VWA8: variants seen among roughly 807,000 people sequenced by gnomAD.
VWA8 encodes von Willebrand factor A domain-containing protein 8.
Under a neutral mutation model 241.5 loss-of-function variants are expected in VWA8, and 221 were observed. The observed-to-expected ratio is 0.91, with a 90% CI of 0.82 to 1.02. The LOEUF is 1.02. Among genes scored for constraint, VWA8 ranks in the 50% least tolerant of loss-of-function variants. The pLI, the probability that VWA8 is intolerant of heterozygous loss-of-function variation, is 0.00. For missense variants in VWA8, 2,322 were observed against 2,328.7 expected (o/e 1.00, Z 0.06); for synonymous variants, 852 against 827.1 (o/e 1.03, Z -0.52).
chr13:41,568,143 T>G lies in VWA8; in HGVS notation c.*54A>C. 14 of 1,458,848 alleles carry G rather than the reference T, an allele frequency of 9.6e-6. No individual in the cohort carries two copies. The highest frequency in any genetic ancestry group is 1.3e-5 in the Non-Finnish European group (14 of 1,041,986). The allele number at this position is 1,458,848 out of a possible 1,614,324, so 90.4% of individuals were successfully genotyped here. ...TATCTTCTTTTTTTCAGAATACTCTTTATTCCTGTCTTATTTCAAATCCTG... is the reference window on the plus strand; with the variant it reads ...TATCTTCTTTTTTTCAGAATACTCTGTATTCCTGTCTTATTTCAAATCCTG... On this transcript the variant is annotated 3_prime_UTR_variant, in exon 45 of 45. Transcript: ENST00000379310.
chr13:41,675,407 C>A, intron 35 of VWA8, 111 bp from the exon 36 acceptor site: 1 of 698,888 alleles, frequency 1.4e-6, no homozygotes, highest in East Asian at 2.8e-5. Context: ...CTGGGATCTA[C>A]TTGACAAGGT....
At chr13:41,787,763 A>G (rs1869272680) in intron 17 of VWA8, among the ~76,000 whole-genome samples, 1 of 152,168 alleles carries the variant, frequency 6.6e-6, no homozygotes, top group Admixed American at 6.6e-5. Context: ...ATCTCCTTTA[A>G]TAAGTAAAAC....
chr13:41,757,801 T>C (rs1439005394), intron 21 of VWA8, among the ~76,000 whole-genome samples: 1 of 151,514 alleles, frequency 6.6e-6, no homozygotes, highest in Non-Finnish European at 1.5e-5. Context: ...GAAAGAAACA[T>C]GGAAAGTTGG....
At chr13:41,680,216 T>C (rs1348007058) in intron 35 of VWA8, among the ~76,000 whole-genome samples, 1 of 152,180 alleles carries the variant, frequency 6.6e-6, no homozygotes, top group Non-Finnish European at 1.5e-5. Flanking sequence ...GTTTGTTTAG[T>C]TTTATTTAGT....
At chr13:41,737,002 C>G (rs1012184272) in intron 21 of VWA8, among the ~76,000 whole-genome samples, 4 of 152,016 alleles carry the variant, frequency 2.6e-5, no homozygotes, top group Non-Finnish European at 5.9e-5. Context: ...CACCACCACA[C>G]TTGGCTGATT....
chr13:41,745,276 C>T (rs1342697590), intron 21 of VWA8, among the ~76,000 whole-genome samples: 1 of 152,050 alleles, frequency 6.6e-6, no homozygotes, highest in Non-Finnish European at 1.5e-5. Flanking sequence ...TCTCCTAATG[C>T]TATCCCTCCC....
intron 2 of VWA8, among the ~76,000 whole-genome samples, chr13:41,949,497 A>G (rs112226162): frequency 1.4e-4 from 21 of 152,222 alleles, no homozygotes; most frequent in African/African-American, 4.8e-4. Context: ...CTAGGGGAGG[A>G]ATAGCATTAG....
chr13:41,877,062 T>C (rs746543576), intron 9 of VWA8, among the ~76,000 whole-genome samples: 40 of 152,060 alleles, frequency 2.6e-4, no homozygotes, highest in Non-Finnish European at 4.9e-4. Flanking sequence ...CAGGTCCATA[T>C]TTTCAAGTCT....
chr13:41,932,255 T>C (rs780618062), intron 2 of VWA8, among the ~76,000 whole-genome samples: 1 of 152,142 alleles, frequency 6.6e-6, no homozygotes, highest in Non-Finnish European at 1.5e-5. Flanking sequence ...GCTCCTTTTT[T>C]AGTTGACACA....
chr13:41,710,217 A>T (rs2045307834), intron 26 of VWA8, among the ~76,000 whole-genome samples: 1 of 152,104 alleles, frequency 6.6e-6, no homozygotes, highest in Non-Finnish European at 1.5e-5. Context: ...CACTTACAAG[A>T]CTCAACAAAT....
intron 42 of VWA8, among the ~76,000 whole-genome samples, chr13:41,585,240 C>T (rs1438656732): frequency 4.6e-5 from 7 of 152,122 alleles, no homozygotes; most frequent in African/African-American, 9.7e-5. Context: ...CACTCGGCTG[C>T]GTGAGATGCA....
chr13:41,573,486 A>ATAAATAAATAAATATATAT (rs1555303592), intron 43 of VWA8, among the ~76,000 whole-genome samples: 40 of 113,596 alleles, frequency 3.5e-4, no homozygotes, highest in African/African-American at 1.3e-3. Flanking sequence ...AAAAAAAAAA[A>ATAAATAAATAAATATATAT]ATATATATAT....
In VWA8 at chr13:41,865,887, G is replaced by T. The variant is rs1390687663; in HGVS notation, c.1347+15C>A. On this transcript the variant is annotated intron_variant, in intron 11 of 44. Transcript: ENST00000379310. ...CCAGGAAACTAAAAGTCTGCAGTGA[G>T]ACTGTCATTCTTACCTTTCCTCCAA... The T allele has an allele frequency of 1.9e-6, 3 of 1,614,056 alleles. No homozygotes were observed. The East Asian group carries it at 6.7e-5, about 36-fold the overall frequency.
At chr13:41,694,889 A>C (rs1205573085) in intron 29 of VWA8, among the ~76,000 whole-genome samples, 2 of 152,130 alleles carry the variant, frequency 1.3e-5, no homozygotes, top group African/African-American at 4.8e-5. Flanking sequence ...TGAACTGAAA[A>C]ACTGTATCTT....
chr13:41,685,253 G>T lies in VWA8; in HGVS notation c.4132-11C>A. 1 of 1,608,140 alleles carries T rather than the reference G, an allele frequency of 6.2e-7. No homozygotes were observed. Among genetic ancestry groups the T allele is most frequent in the Non-Finnish European group, 8.5e-7 (1 of 1,177,898 alleles). ...AACTTCACTGGGTGACTGAAAAAAAGAAAGAGATTAAAGTACTGAAGTACC... is the reference window on the plus strand; with the variant it reads ...AACTTCACTGGGTGACTGAAAAAAATAAAGAGATTAAAGTACTGAAGTACC... On this transcript the variant is annotated splice_polypyrimidine_tract_variant and intron_variant, in intron 34 of 44. Coordinates refer to ENST00000379310, the MANE Select transcript of VWA8 (RefSeq NM_015058.2).
At chr13:41,789,308 A>AAATG (rs1566458298) in intron 17 of VWA8, among the ~76,000 whole-genome samples, 1 of 152,188 alleles carries the variant, frequency 6.6e-6, no homozygotes, top group African/African-American at 2.4e-5. Flanking sequence ...ATAAGCAAAT[A>AAATG]AATGAATGAA....
At chr13:41,748,492 CTTCT>C (rs768254150) in intron 21 of VWA8, among the ~76,000 whole-genome samples, 6 of 151,952 alleles carry the variant, frequency 3.9e-5, no homozygotes, top group African/African-American at 7.3e-5. Flanking sequence ...TCTCTCTTTT[CTTCT>C]TTATTAGTCT....
At chr13:41,820,145 T>A (rs1242306090) in intron 14 of VWA8, among the ~76,000 whole-genome samples, 1 of 152,170 alleles carries the variant, frequency 6.6e-6, no homozygotes, top group African/African-American at 2.4e-5. Flanking sequence ...ATCTTAATCA[T>A]GTGGATAATA....
intron 9 of VWA8, among the ~76,000 whole-genome samples, chr13:41,871,234 A>G (rs1159842435): frequency 1.3e-5 from 2 of 152,196 alleles, no homozygotes; most frequent in Non-Finnish European, 2.9e-5. Flanking sequence ...TTGTTAACTT[A>G]CCACTTTCTG....
Sources: gnomAD v4.1 joint callset for allele counts (sites outside exome capture counted in the v4.1 genomes callset) on GRCh38, gnomAD v4.1.1 for gene constraint, MANE v1.5 for transcripts, NCBI Gene and HGNC (gene_info 2026-07-23, HGNC 2026-07-21) for gene names.